CD101: variants seen among roughly 807,000 people sequenced by gnomAD.
CD101 encodes the protein immunoglobulin superfamily member 2.
Under a neutral mutation model 98.2 loss-of-function variants are expected in CD101, and 76 were observed. The ratio of observed to expected loss-of-function variants is 0.77; its 90% CI spans 0.64 to 0.94. The LOEUF (loss-of-function observed/expected upper bound fraction) is 0.94, where lower values mean the gene tolerates loss of function less well. CD101 is among the 40% of genes least tolerant of loss of function. The pLI is 0.00. For synonymous variants in CD101, 471 were observed against 472.7 expected (o/e 1.00, Z 0.05); for missense variants, 1,145 against 1,218.8 (o/e 0.94, Z 0.90).
In CD101 at chr1:117,022,105, A is replaced by G. The variant is rs1335966476; in HGVS notation, c.2428+122A>G. 2.7e-6 allele frequency: 3 copies of G among 1,093,380 alleles called. No homozygotes were observed. The highest frequency in any genetic ancestry group is 3.9e-6 in the Non-Finnish European group (3 of 761,388). The allele number at this position is 1,093,380 out of a possible 1,614,324, so 67.7% of individuals were successfully genotyped here. ...TATGACCTAAAGTCATAGGAACAGT[A>G]TCTACCTACACATGACTGCAAGACC... On this transcript the variant is annotated intron_variant, in intron 7 of 9. Transcript: ENST00000682167. The surrounding 1 kb of genome is among the most constrained non-coding windows in gnomAD (Gnocchi z 4.8).
At chr1:117,035,010 GC>G (rs2101176783) in intron 9 of CD101, among the ~76,000 whole-genome samples, 1 of 152,274 alleles carries the variant, frequency 6.6e-6, no homozygotes, top group South Asian at 2.1e-4. Flanking sequence ...TCATACGCCT[GC>G]AGGGCTGGGG....
Position 117,033,514 on chromosome 1 carries a change from G to A in CD101, c.2825-346G>A, listed in dbSNP as rs911894251. 1.3e-5 allele frequency among the ~76,000 whole-genome samples: 2 copies of A among 152,174 alleles called. No individual in the cohort carries two copies. Among genetic ancestry groups the A allele is most frequent in the Non-Finnish European group, 2.9e-5 (2 of 68,040 alleles). On this transcript the variant is annotated intron_variant, in intron 8 of 9. Coordinates refer to ENST00000682167, the MANE Select transcript of CD101 (RefSeq NM_001256106.3). This position sits in a 1 kb window ranked among gnomAD's most constrained non-coding sequence, Gnocchi z 4.8. Reference sequence around the variant, plus strand: ...CAGGACTGGCAACACTGTTGAGAACGAGGGTTGAATTATAGATATCTTTTC... The same window carrying A: ...CAGGACTGGCAACACTGTTGAGAACAAGGGTTGAATTATAGATATCTTTTC...
In CD101 at chr1:117,033,962, G is replaced by T. The variant is rs776436669; in HGVS notation, c.2927G>T (p.Cys976Phe). 6 of 1,613,990 alleles carry T rather than the reference G, an allele frequency of 3.7e-6. No homozygotes were observed. In the Admixed American group the frequency reaches 6.7e-5, roughly 18 times the overall value. ...CTCCTTCTGCTCATCTCCCTCCTCT[G>T]CTTATACTGGAAGGCCAGGAAGTTG... is the stretch of plus-strand genomic sequence containing the variant. ...LLLLLLISLL[C>F]LYWKARKLST... The change falls in exon 9 of 10, where the codon TGC becomes TTC. Residue 976 changes from cysteine (C) to phenylalanine (F), a missense_variant. Physicochemically the swap from Cys to Phe is radical, Grantham distance 205. Transcript: ENST00000682167. The surrounding 1 kb of genome is among the most constrained non-coding windows in gnomAD (Gnocchi z 4.8).
At chr1:117,016,000 G>A (rs1317869408) in intron 4 of CD101, among the ~76,000 whole-genome samples, 1 of 152,074 alleles carries the variant, frequency 6.6e-6, no homozygotes, top group Non-Finnish European at 1.5e-5. Context: ...CAGAATTCAT[G>A]TTTGTTGAAT....
rs536023424 is a variant in CD101 at position 117,017,857 on chromosome 1, G to A, written c.1613-299G>A. ...TGGGGGTAAGGGAAGGAGGCCAGAC[G>A]ACTAGGGTGGGGAGTGCTCCACCCA... On this transcript the variant is annotated intron_variant, in intron 5 of 9. Coordinates refer to ENST00000682167, the MANE Select transcript of CD101 (RefSeq NM_001256106.3). Among the ~76,000 whole-genome samples the A allele has an allele frequency of 1.3e-4, 20 of 152,296 alleles. No individual in the cohort carries two copies. The East Asian group carries it at 2.9e-3, about 22-fold the overall frequency.
Position 117,017,378 on chromosome 1 carries a change from G to GTGGCACATA in CD101, c.1520_1528dup (p.Gly507_Tyr509dup). 6.2e-7 allele frequency: 1 copy of GTGGCACATA among 1,614,240 alleles called. No homozygotes were observed. The highest frequency in any genetic ancestry group is 2.2e-5 in the East Asian group (1 of 44,882). On this transcript the variant is annotated inframe_insertion, in exon 5 of 10. Transcript: ENST00000682167. ...ATCACCTTCACTGCCATCACAGACAGTGGCACATATGAGTGCAGAGTATCT... is the reference window on the plus strand; with the variant it reads ...ATCACCTTCACTGCCATCACAGACAGTGGCACATATGGCACATATGAGTGCAGAGTATCT...
At position 117,004,974 on chromosome 1, in the gene CD101, A is replaced by G. The variant is rs892178250; in HGVS notation, c.43+3114A>G. ...TGGTGTCAGTGAGGGCCTGTTCCTC[A>G]TAGCACCTTCTAACTGTGTCCTCAC... On this transcript the variant is annotated intron_variant, in intron 1 of 9. Coordinates refer to ENST00000682167, the MANE Select transcript of CD101 (RefSeq NM_001256106.3). The surrounding 1 kb of genome is among the most constrained non-coding windows in gnomAD (Gnocchi z 4.1). Among the ~76,000 whole-genome samples the G allele has an allele frequency of 3.3e-5, 5 of 152,072 alleles. No homozygotes were observed. Among genetic ancestry groups the G allele is most frequent in the Non-Finnish European group, 5.9e-5 (4 of 68,008 alleles).
Position 117,033,738 on chromosome 1 carries a change from C to A in CD101, c.2825-122C>A. On this transcript the variant is annotated intron_variant, in intron 8 of 9. Coordinates refer to ENST00000682167, the MANE Select transcript of CD101 (RefSeq NM_001256106.3). The surrounding 1 kb of genome is among the most constrained non-coding windows in gnomAD (Gnocchi z 4.8). The stretch of plus-strand genomic sequence containing the variant: ...TCCTCATGATTTCAGGGGCCCACTG[C>A]TATTTGGCCCCATTATTTTTACATA... The A allele has an allele frequency of 3.1e-6, 4 of 1,297,844 alleles. No homozygotes were observed. Among genetic ancestry groups the A allele is most frequent in the African/African-American group, 1.5e-5 (1 of 68,272 alleles). The allele number at this position is 1,297,844 out of a possible 1,614,324, so 80.4% of individuals were successfully genotyped here. A position where few individuals can be genotyped will look rare whatever the true frequency, so the allele number is the denominator to read the frequency against.
At chr1:117,025,927 C>T (rs747472010) in intron 8 of CD101, 23 bp downstream of exon 8, 25 of 1,583,224 alleles carry the variant, frequency 1.6e-5, no homozygotes, top group African/African-American at 1.2e-4. Context: ...TTATCTACCG[C>T]GAGCTCATGG....
chr1:117,035,123 C>G (rs1021454045), intron 9 of CD101, among the ~76,000 whole-genome samples: 1 of 152,178 alleles, frequency 6.6e-6, no homozygotes, highest in Non-Finnish European at 1.5e-5. Context: ...AAGCTTTCAA[C>G]AGCTGTCCCC....
In CD101 at chr1:117,013,804, C is replaced by T; in HGVS notation, c.1228+12C>T. 1 of 1,599,768 alleles carries T rather than the reference C, an allele frequency of 6.3e-7. No homozygotes were observed. The highest frequency in any genetic ancestry group is 8.5e-7 in the Non-Finnish European group (1 of 1,173,240). On this transcript the variant is annotated intron_variant, in intron 4 of 9. Coordinates refer to ENST00000682167, the MANE Select transcript of CD101 (RefSeq NM_001256106.3). Reference sequence around the variant, plus strand: ...GAGGAAGCCAGCAGGTACGTAAAGTCAAGGCCAGGCATGCATTGGGCTGCT... The same window carrying T: ...GAGGAAGCCAGCAGGTACGTAAAGTTAAGGCCAGGCATGCATTGGGCTGCT...
chr1:117,011,504 G>A (rs1377733083), intron 2 of CD101, 46 bp from the exon 3 acceptor site: 1 of 1,542,422 alleles, frequency 6.5e-7, no homozygotes, highest in African/African-American at 1.4e-5. Context: ...AGGCCCACTG[G>A]ACAAGCACTG....
At chr1:117,026,782 T>C (rs1054802076) in intron 8 of CD101, 1 of 152,194 alleles carries the variant, frequency 6.6e-6, no homozygotes, top group Non-Finnish European at 1.5e-5. Context: ...TTTTAAAAGA[T>C]AAACCTGGAA....
At position 117,014,091 on chromosome 1, in the gene CD101, G is replaced by A. The variant is rs138757823; in HGVS notation, c.1228+299G>A. Among the ~76,000 whole-genome samples the A allele has an allele frequency of 2.2e-3, 336 of 151,802 alleles. 1 individual carries two copies. Among genetic ancestry groups the A allele is most frequent in the Non-Finnish European group, 2.6e-3 (180 of 67,964 alleles). On this transcript the variant is annotated intron_variant, in intron 4 of 9. Transcript: ENST00000682167. ...CTAGATGGTCTTTAAGTTCCTTCTT[G>A]CTATCTTAGAGTCTATTTATTTTTT...
At position 117,010,172 on chromosome 1, in the gene CD101, C is replaced by T; in HGVS notation, c.366C>T (p.His122=). 5 of 1,614,132 alleles carry T rather than the reference C, an allele frequency of 3.1e-6. No individual in the cohort carries two copies. Among genetic ancestry groups the T allele is most frequent in the Non-Finnish European group, 4.2e-6 (5 of 1,180,008 alleles). Residue 122 remains histidine (H), a synonymous_variant, in exon 2 of 10, where the codon CAC becomes CAT. Transcript: ENST00000682167. The surrounding 1 kb of genome is among the most constrained non-coding windows in gnomAD (Gnocchi z 5.2). ...QMKDAGEYEC[H]TPNTDEKYYG... is the part of the protein sequence containing the mutation. ...AGGATGCTGGCGAGTATGAGTGTCACACACCAAACACTGATGAGAAATACT... is the reference window on the plus strand; with the variant it reads ...AGGATGCTGGCGAGTATGAGTGTCATACACCAAACACTGATGAGAAATACT...
intron 4 of CD101, among the ~76,000 whole-genome samples, chr1:117,016,819 G>A (rs1004668742): frequency 1.3e-5 from 2 of 152,208 alleles, no homozygotes; most frequent in Non-Finnish European, 2.9e-5. Flanking sequence ...TCACAGTGCT[G>A]TGTTCTAGCC....
intron 1 of CD101, among the ~76,000 whole-genome samples, chr1:117,003,756 C>G (rs73004112): frequency 0.025 from 3,876 of 152,222 alleles, 167 homozygotes; most frequent in African/African-American, 0.088. Context: ...ATTACCTAAA[C>G]TGGGTTATAC....
At chr1:117,016,845 GA>G (rs1653248051) in intron 4 of CD101, among the ~76,000 whole-genome samples, 1 of 152,196 alleles carries the variant, frequency 6.6e-6, no homozygotes, top group African/African-American at 2.4e-5. Flanking sequence ...AACAGAGCAA[GA>G]CCCAGTCTTT....
chr1:117,026,866 G>A (rs930661164), intron 8 of CD101: 4 of 152,102 alleles, frequency 2.6e-5, no homozygotes, highest in Non-Finnish European at 4.4e-5. Context: ...GGGTTTTGAG[G>A]GTAATTAATG....
Sources: allele counts gnomAD v4.1 joint callset (sites outside exome capture counted in the v4.1 genomes callset), GRCh38; gene constraint gnomAD v4.1.1; non-coding constraint Gnocchi (gnomAD v3.1); transcripts MANE v1.5; gene names NCBI Gene and HGNC (gene_info 2026-07-23, HGNC 2026-07-21).